SAMD7: variants seen among roughly 807,000 people sequenced by gnomAD.
The protein encoded by SAMD7 is sterile alpha motif domain containing 7.
A neutral mutation model predicts 36.7 loss-of-function variants in SAMD7; 34 were observed. The observed-to-expected ratio is 0.93, with a 90% CI of 0.71 to 1.23. SAMD7 has a LOEUF of 1.23. Among genes scored for constraint, SAMD7 ranks in the 50% most tolerant of loss-of-function variants. The pLI is 0.00. For synonymous variants in SAMD7, 188 were observed against 189.7 expected (o/e 0.99, Z 0.07); for missense variants, 570 against 546.6 (o/e 1.04, Z -0.43).
chr3:169,936,324 T>G lies in SAMD7; in HGVS notation c.1042-15T>G. 6.8e-7 allele frequency: 1 copy of G among 1,475,556 alleles called. No individual in the cohort carries two copies. The highest frequency in any genetic ancestry group is 9.5e-7 in the Non-Finnish European group (1 of 1,056,144). 91.4% of individuals were successfully genotyped at this position (1,475,556 alleles called of 1,614,324 possible). A position where few individuals can be genotyped will look rare whatever the true frequency, so the allele number is the denominator to read the frequency against. ...AGACATTCAGACAGAGTTAACACCT[T>G]TTGTATTTATGAAGGTATTTAAAGA... is the stretch of plus-strand genomic sequence containing the variant. On this transcript the variant is annotated splice_polypyrimidine_tract_variant and intron_variant, in intron 7 of 8. Coordinates refer to ENST00000335556, the MANE Select transcript of SAMD7 (RefSeq NM_001304366.2).
chr3:169,921,414 A>T (rs2108258410), intron 4 of SAMD7, 76 bp downstream of exon 4: 1 of 1,470,972 alleles, frequency 6.8e-7, no homozygotes, highest in Non-Finnish European at 9.4e-7. Flanking sequence ...TTGCCATCAA[A>T]TTACTCCTAA....
Position 169,938,584 on chromosome 3 carries a change from C to T in SAMD7, c.*78C>T. On this transcript the variant is annotated 3_prime_UTR_variant, in exon 9 of 9. Transcript: ENST00000335556. ...TATTACAAAGGATGTGTGAGGATTT[C>T]CCAGTACTGGATGGAGAATGAGAAG... is the stretch of plus-strand genomic sequence containing the variant. The T allele has an allele frequency of 1.1e-6, 1 of 912,164 alleles. No individual in the cohort carries two copies. Among genetic ancestry groups the T allele is most frequent in the Non-Finnish European group, 1.7e-6 (1 of 601,890 alleles). 56.5% of individuals were successfully genotyped at this position (912,164 alleles called of 1,614,324 possible). A position where few individuals can be genotyped will look rare whatever the true frequency, so the allele number is the denominator to read the frequency against.
rs1269324567 is a variant in SAMD7, at chr3:169,936,385, C to T, written c.1088C>T (p.Thr363Ile). ...GATGGAGAAACTTTGCCATTACTCA[C>T]AGAAGAGCATCTTCGAGGCACTATG... ...AIDGETLPLL[T>I]EEHLRGTMGL... Residue 363 changes from threonine (T) to isoleucine (I), a missense_variant, in exon 8 of 9, where the codon ACA becomes ATA. By Grantham distance (89) the Thr-to-Ile change is moderately conservative (BLOSUM62 -1). Transcript: ENST00000335556. The T allele has an allele frequency of 1.9e-6, 3 of 1,613,526 alleles. No homozygotes were observed. The highest frequency in any genetic ancestry group is 2.5e-6 in the Non-Finnish European group (3 of 1,179,614).
At chr3:169,915,680 G>A (rs1483068858) in intron 2 of SAMD7, among the ~76,000 whole-genome samples, 1 of 139,924 alleles carries the variant, frequency 7.1e-6, no homozygotes, top group Non-Finnish European at 1.5e-5. Flanking sequence ...TGCCTCCTGA[G>A]TTCAAGCAAT....
chr3:169,919,914 C>A (rs866646087), intron 3 of SAMD7, among the ~76,000 whole-genome samples: 3 of 152,230 alleles, frequency 2.0e-5, no homozygotes. Context: ...GTGGCTCACG[C>A]CTGTAATCCC....
At chr3:169,935,757 G>A (rs1329504096) in intron 7 of SAMD7, among the ~76,000 whole-genome samples, 2 of 152,132 alleles carry the variant, frequency 1.3e-5, no homozygotes, top group Non-Finnish European at 2.9e-5. Flanking sequence ...TCCACCAGCA[G>A]CCTTCCTGGC....
chr3:169,922,910 A>C (rs965185759), intron 4 of SAMD7, among the ~76,000 whole-genome samples: 1 of 152,230 alleles, frequency 6.6e-6, no homozygotes, highest in African/African-American at 2.4e-5. Context: ...TAAGATGAAA[A>C]CTGAGAATAT....
intron 1 of SAMD7, among the ~76,000 whole-genome samples, chr3:169,913,075 C>T (rs955307149): frequency 6.6e-6 from 1 of 152,182 alleles, no homozygotes; most frequent in African/African-American, 2.4e-5. Flanking sequence ...AAATTGCTCT[C>T]ATTTTAATTT....
At position 169,936,394 on chromosome 3, in the gene SAMD7, A is replaced by G. The variant is rs1419711759; in HGVS notation, c.1097A>G (p.His366Arg). ...ACTTTGCCATTACTCACAGAAGAGC[A>G]TCTTCGAGGCACTATGGGATTAAAG... ...GETLPLLTEEHLRGTMGLKLG... is the reference protein window; with the variant it reads ...GETLPLLTEERLRGTMGLKLG... The change falls in exon 8 of 9, where the codon CAT (histidine) becomes CGT (arginine). Residue 366 changes from histidine (H) to arginine (R), a missense_variant. Physicochemically the swap from His to Arg is conservative, Grantham distance 29. Transcript: ENST00000335556. The G allele has an allele frequency of 1.9e-6, 3 of 1,613,772 alleles. No homozygotes were observed. In the Admixed American group the frequency reaches 5.0e-5, roughly 27 times the overall value.
At chr3:169,918,296 G>A in intron 2 of SAMD7, among the ~76,000 whole-genome samples, 1 of 152,088 alleles carries the variant, frequency 6.6e-6, no homozygotes, top group Non-Finnish European at 1.5e-5. Flanking sequence ...TCATCTTGCT[G>A]TGCTATCAAA....
intron 8 of SAMD7, 109 bp from the exon 9 acceptor site, chr3:169,938,209 A>T (rs1194626145): frequency 2.9e-6 from 2 of 691,744 alleles, no homozygotes; most frequent in Non-Finnish European, 5.0e-6. Flanking sequence ...ATATGTTAAT[A>T]GATGCTCCAT....
chr3:169,936,736 T>C (rs2108267222), intron 8 of SAMD7, among the ~76,000 whole-genome samples: 1 of 152,174 alleles, frequency 6.6e-6, no homozygotes, highest in African/African-American at 2.4e-5. Flanking sequence ...ATATCTCCAA[T>C]TTCTGTGGTG....
In SAMD7 at chr3:169,934,319, G is replaced by A. The variant is rs189596909; in HGVS notation, c.1042-2020G>A. 3.5e-3 allele frequency among the ~76,000 whole-genome samples: 533 copies of A among 152,200 alleles called. 2 individuals carry two copies. The highest frequency in any genetic ancestry group is 5.4e-3 in the Non-Finnish European group (365 of 67,992). On this transcript the variant is annotated intron_variant, in intron 7 of 8. Transcript: ENST00000335556. ...TTCTATCCAGGGTGGGAGCAGTGGG[G>A]GCAGGAGGATAAGAACACAACCTAG... is the stretch of plus-strand genomic sequence containing the variant.
chr3:169,932,793 C>T, intron 7 of SAMD7: 2 of 538,044 alleles, frequency 3.7e-6, no homozygotes, highest in Non-Finnish European at 3.6e-6. Flanking sequence ...GTGAAGAAAA[C>T]GTCCCTTTAT....
intron 1 of SAMD7, among the ~76,000 whole-genome samples, chr3:169,914,942 C>A (rs1313119880): frequency 6.6e-6 from 1 of 152,182 alleles, no homozygotes; most frequent in Non-Finnish European, 1.5e-5. Flanking sequence ...ACCATTGCTG[C>A]CCTACCTTAC....
chr3:169,925,723 C>G (rs900607376), intron 5 of SAMD7, among the ~76,000 whole-genome samples: 1 of 152,158 alleles, frequency 6.6e-6, no homozygotes, highest in Non-Finnish European at 1.5e-5. Flanking sequence ...GAGACTCTGT[C>G]TTGAACAAAT....
chr3:169,927,558 G>A (rs1157131064), intron 6 of SAMD7, among the ~76,000 whole-genome samples: 1 of 152,008 alleles, frequency 6.6e-6, no homozygotes, highest in Non-Finnish European at 1.5e-5. Context: ...GCCTCCCAAA[G>A]TGCTGGGATT....
At chr3:169,917,442 T>C (rs1712852948) in intron 2 of SAMD7, among the ~76,000 whole-genome samples, 1 of 152,042 alleles carries the variant, frequency 6.6e-6, no homozygotes, top group Non-Finnish European at 1.5e-5. Context: ...ATTTTTAATT[T>C]TTAATTTTCA....
At chr3:169,935,141 G>A (rs971047882) in intron 7 of SAMD7, among the ~76,000 whole-genome samples, 1 of 152,224 alleles carries the variant, frequency 6.6e-6, no homozygotes, top group Admixed American at 6.5e-5. Flanking sequence ...TGAAAGCAGG[G>A]AGCATCGAAA....
Sources: allele counts gnomAD v4.1 joint callset (sites outside exome capture counted in the v4.1 genomes callset), GRCh38; gene constraint gnomAD v4.1.1; transcripts MANE v1.5; gene names NCBI Gene and HGNC (gene_info 2026-07-23, HGNC 2026-07-21).